TMEM135: variants seen among roughly 807,000 people sequenced by gnomAD.
TMEM135 encodes transmembrane protein 135.
A neutral mutation model predicts 60.3 loss-of-function variants in TMEM135; 30 were observed. The observed-to-expected ratio is 0.50, with a 90% CI of 0.37 to 0.68. TMEM135 has a LOEUF of 0.68. Among genes scored for constraint, TMEM135 ranks in the 30% least tolerant of loss-of-function variants. The pLI is 0.00. For missense variants in TMEM135, 468 were observed against 548.8 expected, an observed-to-expected ratio of 0.85 and a Z score of 1.47; for synonymous variants, 190 against 186.7, an observed-to-expected ratio of 1.02 and a Z score of -0.14.
At chr11:87,123,232 G>A (rs940031441) in intron 4 of TMEM135, among the ~76,000 whole-genome samples, 7 of 151,892 alleles carry the variant, frequency 4.6e-5, no homozygotes, top group African/African-American at 1.7e-4. Context: ...CAGTTCAGAG[G>A]CTAGAAACCT....
intron 4 of TMEM135, among the ~76,000 whole-genome samples, chr11:87,156,287 G>T (rs898716054): frequency 6.6e-6 from 1 of 152,060 alleles, no homozygotes; most frequent in Admixed American, 6.6e-5. Context: ...TTTTAAATCC[G>T]AAAGTGAGTC....
chr11:87,217,016 G>A (rs892298734), intron 5 of TMEM135, among the ~76,000 whole-genome samples: 1 of 152,096 alleles, frequency 6.6e-6, no homozygotes, highest in Non-Finnish European at 1.5e-5. Context: ...AACAATGAGG[G>A]AATAGGTCTT....
At chr11:87,087,202 C>T (rs1044199973) in intron 3 of TMEM135, among the ~76,000 whole-genome samples, 6 of 151,692 alleles carry the variant, frequency 4.0e-5, no homozygotes, top group African/African-American at 1.5e-4. Context: ...AGGCTGCTGA[C>T]ATGCCCAGAT....
In TMEM135 at chr11:87,236,627, C is replaced by G. The variant is rs747288552; in HGVS notation, c.463-11C>G. 1.7e-5 allele frequency: 28 copies of G among 1,611,624 alleles called. No homozygotes were observed. The highest frequency in any genetic ancestry group is 2.2e-5 in the Non-Finnish European group (26 of 1,178,600). On this transcript the variant is annotated splice_polypyrimidine_tract_variant and intron_variant, in intron 5 of 14. Transcript: ENST00000305494. ...TTCTTTTGCAAGTAATATATTTTCT[C>G]TTTGTTACAGGTCCTTTTGTTTTGC...
At chr11:87,169,451 T>G (rs938982229) in intron 5 of TMEM135, among the ~76,000 whole-genome samples, 2 of 151,948 alleles carry the variant, frequency 1.3e-5, no homozygotes, top group African/African-American at 4.8e-5. Flanking sequence ...GGTTTTTCCT[T>G]TCGATATTTA....
chr11:87,143,335 G>A (rs927766901), intron 4 of TMEM135, among the ~76,000 whole-genome samples: 2 of 148,938 alleles, frequency 1.3e-5, no homozygotes, highest in Non-Finnish European at 3.0e-5. Context: ...TTTGGATTCA[G>A]TCTTCATTGA....
At chr11:87,225,952 T>A (rs1272421686) in intron 5 of TMEM135, among the ~76,000 whole-genome samples, 2 of 152,136 alleles carry the variant, frequency 1.3e-5, no homozygotes, top group Admixed American at 1.3e-4. Flanking sequence ...TTTTTCTCCA[T>A]GTTCATTGGT....
chr11:87,163,875 T>C (rs1377380609), intron 5 of TMEM135, among the ~76,000 whole-genome samples: 1 of 146,692 alleles, frequency 6.8e-6, no homozygotes, highest in Non-Finnish European at 1.5e-5. Context: ...GCCCACTTTT[T>C]GATGGGGTTG....
At chr11:87,257,650 T>G (rs1319816708) in intron 6 of TMEM135, among the ~76,000 whole-genome samples, 1 of 152,250 alleles carries the variant, frequency 6.6e-6, no homozygotes, top group Non-Finnish European at 1.5e-5. Context: ...TATATGATTC[T>G]ATTTATCAAA....
intron 9 of TMEM135, among the ~76,000 whole-genome samples, chr11:87,308,679 T>G (rs913549279): frequency 1.3e-5 from 2 of 152,172 alleles, no homozygotes; most frequent in African/African-American, 4.8e-5. Flanking sequence ...ATTCTTTTTG[T>G]TAATGTTTTA....
At chr11:87,189,103 C>CCCTTTT (rs1276552528) in intron 5 of TMEM135, among the ~76,000 whole-genome samples, 2 of 135,924 alleles carry the variant, frequency 1.5e-5, no homozygotes, top group Admixed American at 7.3e-5. Context: ...TTTTCCGTTT[C>CCCTTTT]CCTTTTCCTT....
intron 1 of TMEM135, among the ~76,000 whole-genome samples, chr11:87,039,060 A>C (rs1489942814): frequency 2.0e-5 from 3 of 152,240 alleles, no homozygotes; most frequent in Admixed American, 6.5e-5. Context: ...CTAAGAAGAC[A>C]GATCATATTT....
Position 87,269,280 on chromosome 11 carries a change from GTT to G in TMEM135, c.510-26486_510-26485del, listed in dbSNP as rs374547199. Among the ~76,000 whole-genome samples the G allele has an allele frequency of 6.8e-3, 783 of 115,296 alleles. 4 individuals carry two copies. Among genetic ancestry groups the G allele is most frequent in the African/African-American group, 0.022 (701 of 32,536 alleles). 75.6% of individuals were successfully genotyped at this position (115,296 alleles called of 152,430 possible). On this transcript the variant is annotated intron_variant, in intron 6 of 14. Transcript: ENST00000305494. ...TTTCAGAGAGGAAGTTTGCTTTAGG[GTT>G]TTTTTTTTTTTTTTTATGAGGAAGC...
rs145451835 is a variant in TMEM135, at chr11:87,114,984, C to T, written c.396+23589C>T. 2.6e-5 allele frequency among the ~76,000 whole-genome samples: 4 copies of T among 152,214 alleles called. No individual in the cohort carries two copies. In the South Asian group the frequency reaches 8.3e-4, roughly 32 times the overall value. On this transcript the variant is annotated intron_variant, in intron 4 of 14. Coordinates refer to ENST00000305494, the MANE Select transcript of TMEM135 (RefSeq NM_022918.4). ...ATTCCATTATATTCATGCATAGTTA[C>T]CATTATTGATCATCTTTAAACCTAA...
At position 87,322,368 on chromosome 11, in the gene TMEM135, T is replaced by A. The variant is rs951383275; in HGVS notation, c.*1035T>A. ...TTTAAAAAGTCCATTTGTCACTAAT[T>A]CCATTCAGGTTCTCCAACCTTCTTC... is the stretch of plus-strand genomic sequence containing the variant. On this transcript the variant is annotated 3_prime_UTR_variant, in exon 15 of 15. Transcript: ENST00000305494. 2 of 453,830 alleles carry A rather than the reference T, an allele frequency of 4.4e-6. No individual in the cohort carries two copies. Among genetic ancestry groups the A allele is most frequent in the African/African-American group, 4.0e-5 (2 of 49,950 alleles). The allele number at this position is 453,830 out of a possible 1,614,324, so 28.1% of individuals were successfully genotyped here.
chr11:87,098,177 G>A (rs993234316), intron 4 of TMEM135, among the ~76,000 whole-genome samples: 27 of 151,188 alleles, frequency 1.8e-4, no homozygotes, highest in Admixed American at 1.6e-3. Flanking sequence ...AGACCTTGGC[G>A]ATGACCTTGA....
Position 87,244,141 on chromosome 11 carries a change from G to A in TMEM135, c.509+7457G>A, listed in dbSNP as rs1591133026. Among the ~76,000 whole-genome samples, 2 of 70,870 alleles carry A rather than the reference G, an allele frequency of 2.8e-5. 1 individual carries two copies. The highest frequency in any genetic ancestry group is 2.4e-4 in the Admixed American group (2 of 8,452). The allele number at this position is 70,870 out of a possible 152,430, so 46.5% of individuals were successfully genotyped here. A position where few individuals can be genotyped will look rare whatever the true frequency, so the allele number is the denominator to read the frequency against. ...TTTTTGTCTTTGGCTCTGTTTATAT[G>A]CTGGATTACATTTATTGATTTGCGT... On this transcript the variant is annotated intron_variant, in intron 6 of 14. Coordinates refer to ENST00000305494, the MANE Select transcript of TMEM135 (RefSeq NM_022918.4).
intron 6 of TMEM135, among the ~76,000 whole-genome samples, 173 bp downstream of exon 6, chr11:87,236,857 G>C (rs983404663): frequency 6.6e-6 from 1 of 151,594 alleles, no homozygotes; most frequent in African/African-American, 2.4e-5. Context: ...TGTGAGTTAA[G>C]AAAAGAGAAA....
At chr11:87,279,420 T>A (rs1942021655) in intron 6 of TMEM135, among the ~76,000 whole-genome samples, 1 of 152,212 alleles carries the variant, frequency 6.6e-6, no homozygotes, top group South Asian at 2.1e-4. Context: ...TACCCTCATC[T>A]TTGTAGTTGT....
Sources: allele counts gnomAD v4.1 joint callset (sites outside exome capture counted in the v4.1 genomes callset), GRCh38; gene constraint gnomAD v4.1.1; transcripts MANE v1.5; gene names NCBI Gene and HGNC (gene_info 2026-07-23, HGNC 2026-07-21).